SMC4: variants seen among roughly 807,000 people sequenced by gnomAD.
The protein encoded by SMC4 is structural maintenance of chromosomes 4, also known as structural maintenance of chromosomes protein 4.
In SMC4, 87 loss-of-function variants were observed where a neutral mutation model predicts 145.6. The ratio of observed to expected loss-of-function variants is 0.60; its 90% confidence interval spans 0.50 to 0.71. The LOEUF is 0.71. Among genes scored for constraint, SMC4 ranks in the 30% least tolerant of loss-of-function variants. The pLI, the probability that SMC4 is intolerant of heterozygous loss-of-function variation, is 0.00. For synonymous variants in SMC4, 558 were observed against 500.7 expected (o/e 1.11, Z -1.53); for missense variants, 1,447 against 1,537.1 (o/e 0.94, Z 0.98).
chr3:160,428,845 A>T lies in SMC4; in HGVS notation c.2698A>T (p.Lys900Ter). The change falls in exon 18 of 24, where the codon AAG (lysine) becomes TAG (stop). Residue 900 changes from lysine (K) to a stop codon, truncating the protein, a stop_gained. Coordinates refer to ENST00000357388, the MANE Select transcript of SMC4 (RefSeq NM_001002800.3). LOFTEE classifies it high-confidence loss of function. ...CGTAGAAATCAATAATCATAAACTCAAGGCCCAACAAGACAAACTTGATAA... is the reference window on the plus strand; with the variant it reads ...CGTAGAAATCAATAATCATAAACTCTAGGCCCAACAAGACAAACTTGATAA... ...TIVEINNHKL[K>*]AQQDKLDKIN... 1 of 1,606,868 alleles carries T rather than the reference A, an allele frequency of 6.2e-7. No homozygotes were observed. The highest frequency in any genetic ancestry group is 1.1e-5 in the South Asian group (1 of 89,100).
chr3:160,416,417 TAAG>T lies in SMC4; in HGVS notation c.1437+3_1437+5del. 1 of 1,443,266 alleles carries T rather than the reference TAAG, an allele frequency of 6.9e-7. No homozygotes were observed. The highest frequency in any genetic ancestry group is 9.2e-7 in the Non-Finnish European group (1 of 1,088,032). The allele number at this position is 1,443,266 out of a possible 1,614,324, so 89.4% of individuals were successfully genotyped here. A position where few individuals can be genotyped will look rare whatever the true frequency, so the allele number is the denominator to read the frequency against. On this transcript the variant is annotated splice_donor_5th_base_variant and intron_variant, in intron 10 of 23. Coordinates refer to ENST00000357388, the MANE Select transcript of SMC4 (RefSeq NM_001002800.3). ...CAAGGGCTTCAGAAAGAAAAAGAAG[TAAG>T]TTTTTTTTTTTTATCAGTGTTTATT...
At chr3:160,430,189 A>ATAAGGGAGAAGGAGGTAAT (rs1718242608) in intron 18 of SMC4, among the ~76,000 whole-genome samples, 1 of 152,188 alleles carries the variant, frequency 6.6e-6, no homozygotes, top group Non-Finnish European at 1.5e-5. Context: ...TAAGGAGGTA[A>ATAAGGGAGAAGGAGGTAAT]TAAGGGAGAA....
chr3:160,404,916 C>A (rs535132249), intron 5 of SMC4: 15 of 350,974 alleles, frequency 4.3e-5, no homozygotes, highest in Non-Finnish European at 8.0e-5. Context: ...CTATCCTTTT[C>A]CTTTGTTTTT....
rs1200984643 is a variant in SMC4, at chr3:160,430,113, A to G, written c.2796-486A>G. On this transcript the variant is annotated intron_variant, in intron 18 of 23. Transcript: ENST00000357388. Reference sequence around the variant, plus strand: ...AATAGCCATTTCTTTTTTTAGAAAAAATTTTAACAAATTGATTGCATATTG... The same window carrying G: ...AATAGCCATTTCTTTTTTTAGAAAAGATTTTAACAAATTGATTGCATATTG... Among the ~76,000 whole-genome samples the G allele has an allele frequency of 3.3e-5, 5 of 152,258 alleles. No individual in the cohort carries two copies. In the East Asian group the frequency reaches 9.6e-4, roughly 29 times the overall value.
At position 160,428,835 on chromosome 3, in the gene SMC4, T is replaced by C; in HGVS notation, c.2688T>C (p.Asn896=). The change falls in exon 18 of 24, where the codon AAT becomes AAC. Residue 896 remains asparagine, a synonymous_variant. Coordinates refer to ENST00000357388, the MANE Select transcript of SMC4 (RefSeq NM_001002800.3). ...ACAATACCATCGTAGAAATCAATAA[T>C]CATAAACTCAAGGCCCAACAAGACA... The part of the protein sequence containing the change: ...RLHNTIVEIN[N]HKLKAQQDKL... 1 of 1,607,212 alleles carries C rather than the reference T, an allele frequency of 6.2e-7. No individual in the cohort carries two copies. Among genetic ancestry groups the C allele is most frequent in the East Asian group, 2.2e-5 (1 of 44,624 alleles).
chr3:160,432,929 TA>T, intron 22 of SMC4, 96 bp from the exon 23 acceptor site: 1 of 807,714 alleles, frequency 1.2e-6, no homozygotes, highest in Non-Finnish European at 2.0e-6. Flanking sequence ...TACAGATTCC[TA>T]AAAAAGATAG....
In SMC4 at chr3:160,425,019, GGTATGTGTGT is replaced by G; in HGVS notation, c.2478+3_2478+12del. The G allele has an allele frequency of 8.1e-7, 1 of 1,227,020 alleles. No individual in the cohort carries two copies. Among genetic ancestry groups the G allele is most frequent in the Non-Finnish European group, 1.1e-6 (1 of 904,476 alleles). 76.0% of individuals were successfully genotyped at this position (1,227,020 alleles called of 1,614,324 possible). ...TAGAAAAATTTACTGCAAGCATCCA[GGTATGTGTGT>G]GTGTGTGTGTGTGTGTGTGTGTGTA... On this transcript the variant is annotated splice_donor_variant and splice_donor_5th_base_variant and intron_variant, in intron 16 of 23. Transcript: ENST00000357388. LOFTEE classifies it high-confidence loss of function.
rs1181280064 is a variant in SMC4 at position 160,432,297 on chromosome 3, G to A, written c.3312G>A (p.Leu1104=). Reference sequence around the variant, plus strand: ...TCTTTTCACAGGAAGAATTGTATTTGCAACGGGTAGCAGAATTGGACAAAA... The same window carrying A: ...TCTTTTCACAGGAAGAATTGTATTTACAACGGGTAGCAGAATTGGACAAAA... ...AEYKKKEELY[L]QRVAELDKIT... is the part of the protein sequence containing the mutation. The change falls in exon 22 of 24, where the codon TTG becomes TTA. Residue 1104 remains leucine, a synonymous_variant. Transcript: ENST00000357388. 1.2e-6 allele frequency: 2 copies of A among 1,602,514 alleles called. No homozygotes were observed. Among genetic ancestry groups the A allele is most frequent in the Non-Finnish European group, 8.5e-7 (1 of 1,175,720 alleles).
At position 160,433,071 on chromosome 3, in the gene SMC4, G is replaced by A. The variant is rs61762668; in HGVS notation, c.3576G>A (p.Ser1192=). 8.5e-3 allele frequency: 13,648 copies of A among 1,613,230 alleles called. 74 individuals are homozygous for A. The highest frequency in any genetic ancestry group is 8.8e-3 in the Non-Finnish European group (10,409 of 1,179,524). Reference sequence around the variant, plus strand: ...GTTGGAAAAAGATCTTCAACCTTTCGGGAGGAGAGAAAACACTTAGTTCAT... The same window carrying A: ...GTTGGAAAAAGATCTTCAACCTTTCAGGAGGAGAGAAAACACTTAGTTCAT... The part of the protein sequence containing the change: ...KKSWKKIFNL[S]GGEKTLSSLA... The change falls in exon 23 of 24, where the codon TCG becomes TCA. Residue 1192 remains serine, a synonymous_variant. Transcript: ENST00000357388.
chr3:160,431,124 A>T lies in SMC4; in HGVS notation c.3033A>T (p.Ala1011=). The change falls in exon 20 of 24, where the codon GCA becomes GCT. Residue 1011 remains alanine, a synonymous_variant. Transcript: ENST00000357388. ...ATGAACATGCTCTTCAAAAAGATGC[A>T]CTTAGTATTAAGTTGAAACTTGAAC... ...QENEHALQKD[A]LSIKLKLEQI... is the part of the protein sequence containing the mutation. 1 of 1,607,692 alleles carries T rather than the reference A, an allele frequency of 6.2e-7. No homozygotes were observed. The highest frequency in any genetic ancestry group is 8.5e-7 in the Non-Finnish European group (1 of 1,178,216).
chr3:160,411,735 ACT>A (rs2108465183), intron 5 of SMC4, 183 bp from the exon 6 acceptor site: 5 of 458,480 alleles, frequency 1.1e-5, no homozygotes, highest in Admixed American at 7.2e-5. Flanking sequence ...TAAAATTAAA[ACT>A]CTTAGGAATA....
rs1716758581 is a variant in SMC4 at position 160,417,912 on chromosome 3, G to A, written c.1627G>A (p.Asp543Asn). The change falls in exon 11 of 24, where the codon GAT (aspartate) becomes AAT (asparagine). Residue 543 changes from aspartate to asparagine, a missense_variant. Physicochemically the swap from Asp to Asn is conservative, Grantham distance 23. Transcript: ENST00000357388. ...CAAAGAAAGGAAAGCTGCAATCAGA[G>A]ATATAGAAGGAAAACTCCCTCAAAC... is the stretch of plus-strand genomic sequence containing the variant. ...TLKERKAAIR[D>N]IEGKLPQTEQ... The A allele has an allele frequency of 1.2e-6, 2 of 1,612,798 alleles. No homozygotes were observed. Among genetic ancestry groups the A allele is most frequent in the Non-Finnish European group, 8.5e-7 (1 of 1,179,514 alleles).
chr3:160,432,397 G>A lies in SMC4; in HGVS notation c.3412G>A (p.Gly1138Ser). 1 of 1,612,996 alleles carries A rather than the reference G, an allele frequency of 6.2e-7. No homozygotes were observed. The part of the protein sequence containing the change: ...RKQRLNEFMA[G>S]FYIITNKLKE... ...ACAAAGGCTTAATGAATTTATGGCA[G>A]GTTTTTATATAATAACAAATAAATT... Residue 1138 changes from glycine (G) to serine (S), a missense_variant, in exon 22 of 24, where the codon GGT becomes AGT. Physicochemically the swap from Gly to Ser is moderately conservative, Grantham distance 56. Transcript: ENST00000357388.
At chr3:160,416,049 G>A (rs1338227072) in intron 9 of SMC4, among the ~76,000 whole-genome samples, 1 of 152,174 alleles carries the variant, frequency 6.6e-6, no homozygotes, top group Admixed American at 6.5e-5. Flanking sequence ...GTTTGTAGAA[G>A]TAGTTTTACT....
rs559184480 is a variant in SMC4 at position 160,405,115 on chromosome 3, C to T, written c.687+611C>T. 1.8e-4 allele frequency among the ~76,000 whole-genome samples: 28 copies of T among 152,042 alleles called. No homozygotes were observed. In the South Asian group the frequency reaches 5.4e-3, roughly 29 times the overall value. Reference sequence around the variant, plus strand: ...GGTGGAACCACTACTACTGAAAGAACGAAACTTTGATATTACATTGTTAAG... The same window carrying T: ...GGTGGAACCACTACTACTGAAAGAATGAAACTTTGATATTACATTGTTAAG... On this transcript the variant is annotated intron_variant, in intron 5 of 23. Transcript: ENST00000357388.
rs1329634517 is a variant in SMC4 at position 160,400,913 on chromosome 3, C to T, written c.87C>T (p.Asp29=). The part of the protein sequence containing the change: ...PPPSPDGASS[D]AEPEPPSGRT... ...CGTCCCCTGACGGCGCCAGCAGCGA[C>T]GCGGAGCCTGAGCCGCCGTCCGGCC... The change falls in exon 2 of 24, where the codon GAC becomes GAT. Residue 29 remains aspartate, a synonymous_variant. Transcript: ENST00000357388. 3 of 1,490,332 alleles carry T rather than the reference C, an allele frequency of 2.0e-6. No homozygotes were observed. The highest frequency in any genetic ancestry group is 2.7e-6 in the Non-Finnish European group (3 of 1,129,112). The allele number at this position is 1,490,332 out of a possible 1,614,324, so 92.3% of individuals were successfully genotyped here.
intron 4 of SMC4, among the ~76,000 whole-genome samples, chr3:160,403,507 G>GA (rs1714945902): frequency 6.6e-6 from 1 of 152,044 alleles, no homozygotes; most frequent in Non-Finnish European, 1.5e-5. Context: ...TAAAAATATA[G>GA]AAAACTAATT....
Position 160,432,421 on chromosome 3 carries a change from T to C in SMC4, c.3436T>C (p.Leu1146=), listed in dbSNP as rs770229370. The C allele has an allele frequency of 1.2e-6, 2 of 1,613,050 alleles. No individual in the cohort carries two copies. Among genetic ancestry groups the C allele is most frequent in the South Asian group, 2.2e-5 (2 of 90,884 alleles). ...MAGFYIITNK[L]KENYQMLTLG... is the part of the protein sequence containing the mutation. ...AGGTTTTTATATAATAACAAATAAATTAAAGGAAAATTACCAAATGCTTAC... is the reference window on the plus strand; with the variant it reads ...AGGTTTTTATATAATAACAAATAAACTAAAGGAAAATTACCAAATGCTTAC... The change falls in exon 22 of 24, where the codon TTA becomes CTA. Residue 1146 remains leucine, a synonymous_variant. Coordinates refer to ENST00000357388, the MANE Select transcript of SMC4 (RefSeq NM_001002800.3).
intron 19 of SMC4, 28 bp from the exon 20 acceptor site, chr3:160,431,004 C>G: frequency 6.4e-7 from 1 of 1,571,710 alleles, no homozygotes; most frequent in Admixed American, 2.1e-5. Flanking sequence ...TTGGAAAATT[C>G]TATCTAGCAG....
Sources: gnomAD v4.1 joint callset for allele counts (sites outside exome capture counted in the v4.1 genomes callset) on GRCh38, gnomAD v4.1.1 for gene constraint, MANE v1.5 for transcripts, NCBI Gene and HGNC (gene_info 2026-07-23, HGNC 2026-07-21) for gene names.